The following NRCAM variants were observed in gnomAD, a reference collection of about 807,000 sequenced individuals.
NRCAM encodes NgCAM-related cell adhesion molecule.
In NRCAM, 83 loss-of-function variants were observed where a neutral mutation model predicts 156.5. The ratio of observed to expected loss-of-function variants is 0.53; its 90% CI spans 0.44 to 0.64. The LOEUF (loss-of-function observed/expected upper bound fraction) is 0.64, where lower values mean the gene tolerates loss of function less well. Among genes scored for constraint, NRCAM ranks in the 30% least tolerant of loss-of-function variants. The pLI, the probability that NRCAM is intolerant of heterozygous loss-of-function variation, is 0.00. For synonymous variants in NRCAM, 538 were observed against 563.9 expected (o/e 0.95, Z 0.65); for missense variants, 1,417 against 1,597.3 (o/e 0.89, Z 1.92).
Position 108,184,633 on chromosome 7 carries a change from C to T in NRCAM, c.2036-19G>A. On this transcript the variant is annotated intron_variant, in intron 20 of 32. Coordinates refer to ENST00000379028, the MANE Select transcript of NRCAM (RefSeq NM_001037132.4). ...ATGAATTCTGGTCACGACACACACACACCAAACCCAAGACCGTGAATTCAG... is the reference window on the plus strand; with the variant it reads ...ATGAATTCTGGTCACGACACACACATACCAAACCCAAGACCGTGAATTCAG... 6.2e-7 allele frequency: 1 copy of T among 1,605,566 alleles called. No homozygotes were observed. Among genetic ancestry groups the T allele is most frequent in the East Asian group, 2.2e-5 (1 of 44,748 alleles).
At chr7:108,444,372 T>C (rs1842155440) in intron 1 of NRCAM, among the ~76,000 whole-genome samples, 1 of 85,904 alleles carries the variant, frequency 1.2e-5, no homozygotes, top group African/African-American at 4.2e-5. Flanking sequence ...CTGTATTCTC[T>C]TTTTTTTTGG....
At position 108,207,659 on chromosome 7, in the gene NRCAM, G is replaced by A. The variant is rs200568981; in HGVS notation, c.1076C>T (p.Ala359Val). The A allele has an allele frequency of 1.4e-4, 220 of 1,593,564 alleles. No individual in the cohort carries two copies. The highest frequency in any genetic ancestry group is 1.7e-4 in the Non-Finnish European group (200 of 1,173,050). The change falls in exon 13 of 33, where the codon GCG becomes GTG. Residue 359 changes from alanine to valine, a missense_variant and splice_region_variant. Physicochemically the swap from Ala to Val is moderately conservative, Grantham distance 64. Coordinates refer to ENST00000379028, the MANE Select transcript of NRCAM (RefSeq NM_001037132.4). ...IHHTISVRVK[A>V]APYWITAPQN... ...AGGGGCTGTGATCCAGTATGGAGCC[G>A]CTTTATAGGAGGAAGAAAAAAGACC...
At chr7:108,276,348 T>C (rs2097608106) in intron 3 of NRCAM, among the ~76,000 whole-genome samples, 1 of 152,178 alleles carries the variant, frequency 6.6e-6, no homozygotes, top group Non-Finnish European at 1.5e-5. Flanking sequence ...AAGTCTCCCA[T>C]TATTACTGTG....
chr7:108,418,541 T>C (rs1052353009), intron 1 of NRCAM, among the ~76,000 whole-genome samples: 51 of 148,752 alleles, frequency 3.4e-4, no homozygotes, highest in Admixed American at 7.5e-4. Flanking sequence ...GAGAGGTCTT[T>C]TATCTGGTAT....
intron 3 of NRCAM, among the ~76,000 whole-genome samples, chr7:108,250,714 G>A (rs1293744298): frequency 6.6e-6 from 1 of 151,648 alleles, no homozygotes; most frequent in Non-Finnish European, 1.5e-5. Flanking sequence ...GGTGATTATA[G>A]TCAATAATTT....
intron 2 of NRCAM, among the ~76,000 whole-genome samples, chr7:108,319,598 A>G (rs2098976120): frequency 6.6e-6 from 1 of 152,198 alleles, no homozygotes; most frequent in Admixed American, 6.5e-5. Flanking sequence ...ACAGAAATGG[A>G]TCTAAAAATA....
intron 13 of NRCAM, among the ~76,000 whole-genome samples, chr7:108,201,123 T>C (rs1485970385): frequency 8.8e-6 from 1 of 113,680 alleles, no homozygotes; most frequent in Non-Finnish European, 1.9e-5. Flanking sequence ...TCTATGGAAA[T>C]AAAAAATAAT....
Position 108,241,605 on chromosome 7 carries a change from TC to T in NRCAM, c.-106-1436del, listed in dbSNP as rs370305565. Among the ~76,000 whole-genome samples, 16 of 152,244 alleles carry T rather than the reference TC, an allele frequency of 1.1e-4. No homozygotes were observed. In the East Asian group the frequency reaches 3.1e-3, roughly 29 times the overall value. ...CTCCTCAGGGCAGGGATGGCATCTG[TC>T]CTATCCCCCACTGCATCCTCATAGC... On this transcript the variant is annotated intron_variant, in intron 3 of 32. Coordinates refer to ENST00000379028, the MANE Select transcript of NRCAM (RefSeq NM_001037132.4).
At chr7:108,404,407 T>A (rs1445038820) in intron 1 of NRCAM, among the ~76,000 whole-genome samples, 2 of 152,238 alleles carry the variant, frequency 1.3e-5, no homozygotes, top group Non-Finnish European at 2.9e-5. Flanking sequence ...TCTATGGCAT[T>A]TTGAGGCTTA....
chr7:108,187,308 G>C (rs952034021), intron 20 of NRCAM, among the ~76,000 whole-genome samples: 3 of 151,940 alleles, frequency 2.0e-5, no homozygotes, highest in Admixed American at 1.3e-4. Context: ...CCTTCTCTCC[G>C]CCCTCACTTT....
intron 3 of NRCAM, among the ~76,000 whole-genome samples, chr7:108,281,170 GATGAA>G (rs1319795871): frequency 6.6e-6 from 1 of 152,018 alleles, no homozygotes; most frequent in Non-Finnish European, 1.5e-5. Context: ...CTCTTAACCT[GATGAA>G]ATGAGCAAAA....
Position 108,349,942 on chromosome 7 carries a change from G to C in NRCAM, c.-173-37211C>G, listed in dbSNP as rs117388769. Among the ~76,000 whole-genome samples the C allele has an allele frequency of 3.4e-3, 519 of 152,234 alleles. 8 individuals are homozygous for C. Among genetic ancestry groups the C allele is most frequent in the East Asian group, 0.033 (169 of 5,178 alleles). ...GTCATGGCTAAGTTCTACATGACTG[G>C]GTTCTTTTCTATGTGATCAAAGGCA... On this transcript the variant is annotated intron_variant, in intron 2 of 32. Transcript: ENST00000379028.
In NRCAM at chr7:108,182,715, A is replaced by G. The variant is rs748645606; in HGVS notation, c.2510T>C (p.Met837Thr). 6.2e-7 allele frequency: 1 copy of G among 1,614,230 alleles called. No individual in the cohort carries two copies. Among genetic ancestry groups the G allele is most frequent in the South Asian group, 1.1e-5 (1 of 91,080 alleles). ...MGFAPEPAVVMGHSGEDLPMV... is the reference protein window; with the variant it reads ...MGFAPEPAVVTGHSGEDLPMV... ...CTTACGGTCTTCTCCAGAATGTCCC[A>G]TGACTACAGCTGGCTCGGGGGCAAA... The change falls in exon 23 of 33, where the codon ATG becomes ACG. Residue 837 changes from methionine (M) to threonine (T), a missense_variant. Coordinates refer to ENST00000379028, the MANE Select transcript of NRCAM (RefSeq NM_001037132.4).
At chr7:108,309,133 T>C (rs757479050) in intron 3 of NRCAM, among the ~76,000 whole-genome samples, 1 of 152,212 alleles carries the variant, frequency 6.6e-6, no homozygotes, top group Non-Finnish European at 1.5e-5. Flanking sequence ...GTAGTCATTC[T>C]GTGAAAAAGT....
intron 8 of NRCAM, among the ~76,000 whole-genome samples, chr7:108,229,985 GGTT>G (rs1318540636): frequency 6.6e-6 from 1 of 152,044 alleles, no homozygotes; most frequent in Non-Finnish European, 1.5e-5. Flanking sequence ...TGCCTCATAG[GGTT>G]GTTGTAAAAA....
At chr7:108,159,239 T>G (rs761725935) in intron 32 of NRCAM, 4 of 695,888 alleles carry the variant, frequency 5.7e-6, no homozygotes, top group Non-Finnish European at 1.1e-5. Context: ...GTGGGAGACA[T>G]TCCATCTCCA....
At chr7:108,239,421 G>C (rs759551915) in intron 4 of NRCAM, among the ~76,000 whole-genome samples, 22 of 152,110 alleles carry the variant, frequency 1.4e-4, no homozygotes, top group Non-Finnish European at 2.8e-4. Context: ...TTCAAAATTG[G>C]AAAGTGAGAT....
At chr7:108,276,549 T>C (rs1273543460) in intron 3 of NRCAM, among the ~76,000 whole-genome samples, 4 of 151,906 alleles carry the variant, frequency 2.6e-5, no homozygotes, top group Non-Finnish European at 4.4e-5. Context: ...GAGACTAAGA[T>C]TGTAACTCCT....
Position 108,194,410 on chromosome 7 carries a change from T to C in NRCAM, c.1482A>G (p.Gly494=). 1 of 1,599,692 alleles carries C rather than the reference T, an allele frequency of 6.3e-7. No individual in the cohort carries two copies. Among genetic ancestry groups the C allele is most frequent in the Non-Finnish European group, 8.5e-7 (1 of 1,173,112 alleles). The part of the protein sequence containing the change: ...PTIEWFKGAK[G]SALHEDIYVL... ...CATAAATATCTTCATGAAGAGCACTTCCTTTAGCTCCTTTAAACCTTCATT... is the reference window on the plus strand; with the variant it reads ...CATAAATATCTTCATGAAGAGCACTCCCTTTAGCTCCTTTAAACCTTCATT... Residue 494 remains glycine (G), a synonymous_variant, in exon 16 of 33, where the codon GGA becomes GGG. Transcript: ENST00000379028.
Sources: gnomAD v4.1 joint callset for allele counts (sites outside exome capture counted in the v4.1 genomes callset) on GRCh38, gnomAD v4.1.1 for gene constraint, MANE v1.5 for transcripts, NCBI Gene and HGNC (gene_info 2026-07-23, HGNC 2026-07-21) for gene names.